Variants in HNRNPR observed in about 807,000 individuals in gnomAD.
The protein encoded by HNRNPR is heterogeneous nuclear ribonucleoprotein R.
In HNRNPR, 4 loss-of-function variants were observed where a neutral mutation model predicts 70.3. That is an observed-to-expected ratio of 0.06 (90% CI 0.03 to 0.13). The LOEUF (loss-of-function observed/expected upper bound fraction) is 0.13, where lower values mean the gene tolerates loss of function less well. Among genes scored for constraint, HNRNPR ranks in the 10% least tolerant of loss-of-function variants. The probability of loss-of-function intolerance (pLI) is 1.00; values close to 1 mark genes in which losing one functional copy is unlikely to be tolerated. For synonymous variants in HNRNPR, 241 were observed against 267.6 expected (o/e 0.90, Z 0.97); for missense variants, 423 against 788.5 (o/e 0.54, Z 5.55).
chr1:23,325,844 ATTTCC>A (rs1391603166), intron 5 of HNRNPR, among the ~76,000 whole-genome samples: 1 of 152,082 alleles, frequency 6.6e-6, no homozygotes, highest in Non-Finnish European at 1.5e-5. Context: ...TATTATATTT[ATTTCC>A]TTTCACTGAT....
rs1226573705 is a variant in HNRNPR at position 23,310,760 on chromosome 1, C to T, written c.1596G>A (p.Arg532=). 4 of 1,613,814 alleles carry T rather than the reference C, an allele frequency of 2.5e-6. No homozygotes were observed. The highest frequency in any genetic ancestry group is 3.4e-6 in the Non-Finnish European group (4 of 1,179,860). ...PPRGRAGYSQ[R]GAPLGPPRGS... Reference sequence around the variant, plus strand: ...CTCTTGGTGGTCCCAAAGGTGCCCCCCTCTGTGAATAGCCAGCTCTACCTC... The same window carrying T: ...CTCTTGGTGGTCCCAAAGGTGCCCCTCTCTGTGAATAGCCAGCTCTACCTC... Residue 532 remains arginine, a synonymous_variant, in exon 11 of 11, where the codon AGG becomes AGA. Coordinates refer to ENST00000302271, the MANE Select transcript of HNRNPR (RefSeq NM_005826.5). The surrounding 1 kb of genome is among the most constrained non-coding windows in gnomAD (Gnocchi z 6.0).
intron 4 of HNRNPR, among the ~76,000 whole-genome samples, chr1:23,337,406 C>G (rs1395669078): frequency 6.6e-6 from 1 of 152,138 alleles, no homozygotes; most frequent in African/African-American, 2.4e-5. Flanking sequence ...CGTCTGTAAT[C>G]CCAGCACTTT....
intron 4 of HNRNPR, among the ~76,000 whole-genome samples, chr1:23,334,233 AC>A (rs1398966945): frequency 2.7e-3 from 217 of 79,348 alleles, no homozygotes; most frequent in Non-Finnish European, 4.9e-3. Context: ...TTTCTAGTGT[AC>A]TTTTTTTTTT....
intron 8 of HNRNPR, among the ~76,000 whole-genome samples, chr1:23,315,530 A>T (rs10493016): frequency 0.19 from 28,922 of 151,960 alleles, 3,097 homozygotes; most frequent in Admixed American, 0.34. Flanking sequence ...ACTACCACTC[A>T]TCTAAGAATT....
In HNRNPR at chr1:23,308,259, T is replaced by C. The variant is rs1291307615; in HGVS notation, c.*2195A>G. Reference sequence around the variant, plus strand: ...GCAATTAAAGGAAAGGATTTTGACATGGAACCCAAGTTTTAATCTTATGTT... The same window carrying C: ...GCAATTAAAGGAAAGGATTTTGACACGGAACCCAAGTTTTAATCTTATGTT... On this transcript the variant is annotated 3_prime_UTR_variant, in exon 11 of 11. Coordinates refer to ENST00000302271, the MANE Select transcript of HNRNPR (RefSeq NM_005826.5). The C allele has an allele frequency of 6.6e-6, 1 of 152,104 alleles. No individual in the cohort carries two copies. Among genetic ancestry groups the C allele is most frequent in the Non-Finnish European group, 1.5e-5 (1 of 67,920 alleles). The allele number at this position is 152,104 out of a possible 1,614,324, so 9.4% of individuals were successfully genotyped here.
intron 5 of HNRNPR, among the ~76,000 whole-genome samples, chr1:23,330,868 T>C (rs761139257): frequency 3.3e-5 from 5 of 152,204 alleles, no homozygotes; most frequent in Non-Finnish European, 7.3e-5. Flanking sequence ...TGTTTAATGA[T>C]GACTGAAAGA....
At chr1:23,334,282 G>C (rs1487247111) in intron 4 of HNRNPR, among the ~76,000 whole-genome samples, 1 of 146,792 alleles carries the variant, frequency 6.8e-6, no homozygotes, top group Non-Finnish European at 1.5e-5. Context: ...TGTCACCCAG[G>C]CTGGAGTGCA....
At chr1:23,313,777 T>A in intron 8 of HNRNPR, 75 bp from the exon 9 acceptor site, 1 of 1,462,928 alleles carries the variant, frequency 6.8e-7, no homozygotes, top group Non-Finnish European at 9.2e-7. Context: ...CCTGTCTTCA[T>A]AGCATAGCTT....
At position 23,305,215 on chromosome 1, in the gene HNRNPR, T is replaced by C. The variant is rs910087628; in HGVS notation, c.*5239A>G. On this transcript the variant is annotated 3_prime_UTR_variant, in exon 11 of 11. Coordinates refer to ENST00000302271, the MANE Select transcript of HNRNPR (RefSeq NM_005826.5). ...CTTACATAAACTCATCAGAATTACA[T>C]GAATATTCCTACTGCTTACCTTAAA... 1 of 152,328 alleles carries C rather than the reference T, an allele frequency of 6.6e-6. No homozygotes were observed. Among genetic ancestry groups the C allele is most frequent in the South Asian group, 2.1e-4 (1 of 4,828 alleles). The allele number at this position is 152,328 out of a possible 1,614,324, so 9.4% of individuals were successfully genotyped here.
intron 5 of HNRNPR, among the ~76,000 whole-genome samples, chr1:23,331,418 A>AAAAAAAC (rs1306563408): frequency 6.6e-6 from 1 of 151,254 alleles, no homozygotes; most frequent in East Asian, 1.9e-4. Context: ...AAAAAAAAAA[A>AAAAAAAC]AAAATAGCTG....
chr1:23,321,470 C>G, intron 7 of HNRNPR, 58 bp downstream of exon 7: 8 of 1,469,174 alleles, frequency 5.4e-6, no homozygotes, highest in Non-Finnish European at 7.5e-6. Context: ...TTTTTGAGCA[C>G]TTGTAAGTAG....
chr1:23,333,322 A>T (rs1201827956), intron 5 of HNRNPR, among the ~76,000 whole-genome samples, 196 bp downstream of exon 5: 7 of 152,228 alleles, frequency 4.6e-5, no homozygotes, highest in African/African-American at 1.7e-4. Context: ...TCCTATATAA[A>T]GTGTTCGGGT....
At chr1:23,335,177 C>G (rs922856340) in intron 4 of HNRNPR, among the ~76,000 whole-genome samples, 1 of 152,226 alleles carries the variant, frequency 6.6e-6, no homozygotes, top group Non-Finnish European at 1.5e-5. Flanking sequence ...CTCAGCCTCC[C>G]AAAGTGCTGG....
intron 8 of HNRNPR, among the ~76,000 whole-genome samples, chr1:23,315,343 T>A (rs1028991936): frequency 4.7e-5 from 7 of 149,998 alleles, no homozygotes; most frequent in Non-Finnish European, 7.4e-5. Context: ...CTATGAGTTG[T>A]AGGATAGGAC....
intron 1 of HNRNPR, 102 bp downstream of exon 1, chr1:23,344,109 C>T (rs1335026336): frequency 6.6e-6 from 1 of 150,512 alleles, no homozygotes; most frequent in African/African-American, 2.4e-5. Flanking sequence ...CACCCCGGGG[C>T]CTCGGAGCGC....
intron 8 of HNRNPR, among the ~76,000 whole-genome samples, chr1:23,315,460 T>C (rs1645504659): frequency 6.6e-6 from 1 of 152,054 alleles, no homozygotes; most frequent in Non-Finnish European, 1.5e-5. Context: ...TCAGAGCTGA[T>C]GAAACAGGAT....
intron 4 of HNRNPR, among the ~76,000 whole-genome samples, chr1:23,335,470 T>C (rs922857564): frequency 3.9e-5 from 6 of 152,208 alleles, no homozygotes; most frequent in Non-Finnish European, 2.9e-5. Flanking sequence ...AGAACAAAGC[T>C]TCATCTGTAT....
intron 4 of HNRNPR, among the ~76,000 whole-genome samples, chr1:23,334,735 C>T (rs1027269496): frequency 6.6e-6 from 1 of 152,108 alleles, no homozygotes; most frequent in Non-Finnish European, 1.5e-5. Flanking sequence ...TCCTGATTAC[C>T]AACCTTCCTT....
At chr1:23,314,849 A>G (rs1241056445) in intron 8 of HNRNPR, among the ~76,000 whole-genome samples, 2 of 152,214 alleles carry the variant, frequency 1.3e-5, no homozygotes, top group East Asian at 1.9e-4. Context: ...TCTATCCTAC[A>G]GATATATCTC....
Sources: gnomAD v4.1 joint callset for allele counts (sites outside exome capture counted in the v4.1 genomes callset) on GRCh38, gnomAD v4.1.1 for gene constraint, Gnocchi (gnomAD v3.1) non-coding constraint, MANE v1.5 for transcripts, NCBI Gene and HGNC (gene_info 2026-07-23, HGNC 2026-07-21) for gene names.